Variants in SENP1 observed in about 807,000 individuals in gnomAD.
SENP1 encodes the protein sentrin-specific protease 1.
SENP1 carries 21 observed loss-of-function variants against 93.0 expected under a neutral mutation model. The observed-to-expected ratio is 0.23, with a 90% CI of 0.16 to 0.33. The LOEUF (loss-of-function observed/expected upper bound fraction) is 0.33, where lower values mean the gene tolerates loss of function less well. SENP1 is among the 10% of genes least tolerant of loss of function. The pLI is 1.00. For missense variants in SENP1, 591 were observed against 758.7 expected, an observed-to-expected ratio of 0.78 and a Z score of 2.60; for synonymous variants, 256 against 259.6, an observed-to-expected ratio of 0.99 and a Z score of 0.13.
intron 6 of SENP1, among the ~76,000 whole-genome samples, chr12:48,077,516 T>C (rs1944183502): frequency 6.6e-6 from 1 of 152,232 alleles, no homozygotes; most frequent in South Asian, 2.1e-4. Flanking sequence ...GTGAAGAGAC[T>C]GTCCTTTCCC....
At chr12:48,098,285 G>C in intron 2 of SENP1, 161 bp from the exon 3 acceptor site, 1 of 275,166 alleles carries the variant, frequency 3.6e-6, no homozygotes, top group Non-Finnish European at 5.5e-6. Flanking sequence ...GGATTTTTTT[G>C]AGGCCAAAAG....
intron 9 of SENP1, among the ~76,000 whole-genome samples, chr12:48,068,950 C>T (rs554979880): frequency 1.4e-4 from 22 of 151,758 alleles, no homozygotes; most frequent in Non-Finnish European, 2.8e-4. Flanking sequence ...GTCAGGAGTT[C>T]GAGACCAGCT....
chr12:48,057,285 A>C (rs1354276337), intron 13 of SENP1, among the ~76,000 whole-genome samples: 1 of 147,116 alleles, frequency 6.8e-6, no homozygotes, highest in Non-Finnish European at 1.5e-5. Context: ...GTTGGAGTGC[A>C]GTGGTGTGAT....
intron 13 of SENP1, among the ~76,000 whole-genome samples, chr12:48,063,229 A>C (rs1442172162): frequency 6.6e-6 from 1 of 152,190 alleles, no homozygotes; most frequent in East Asian, 1.9e-4. Flanking sequence ...CATTTAAAAA[A>C]TATCATACAT....
In SENP1 at chr12:48,044,412, C is replaced by A. The variant is rs1233465724; in HGVS notation, c.*910G>T. Reference sequence around the variant, plus strand: ...TATATATGTATATATATATGAAATTCTCTGTGGTTAGAAACATATTTAAAC... The same window carrying A: ...TATATATGTATATATATATGAAATTATCTGTGGTTAGAAACATATTTAAAC... On this transcript the variant is annotated 3_prime_UTR_variant, in exon 18 of 18. Transcript: ENST00000549518. 1 of 149,112 alleles carries A rather than the reference C, an allele frequency of 6.7e-6. No individual in the cohort carries two copies. The highest frequency in any genetic ancestry group is 2.5e-5 in the African/African-American group (1 of 40,454). 9.2% of individuals were successfully genotyped at this position (149,112 alleles called of 1,614,324 possible). A position where few individuals can be genotyped will look rare whatever the true frequency, so the allele number is the denominator to read the frequency against.
intron 13 of SENP1, among the ~76,000 whole-genome samples, chr12:48,055,899 ATAT>A (rs1471251162): frequency 1.4e-5 from 2 of 139,954 alleles, no homozygotes; most frequent in African/African-American, 5.3e-5. Flanking sequence ...ATATATAAAA[ATAT>A]TAATATATTT....
chr12:48,045,811 G>T (rs1369479526), intron 17 of SENP1, among the ~76,000 whole-genome samples: 1 of 152,188 alleles, frequency 6.6e-6, no homozygotes, highest in African/African-American at 2.4e-5. Flanking sequence ...TAAAGTCACT[G>T]ATTCAAACAG....
chr12:48,105,904 C>A (rs916614212), intron 1 of SENP1, 124 bp downstream of exon 1: 2 of 627,282 alleles, frequency 3.2e-6, no homozygotes, highest in East Asian at 2.8e-5. Context: ...GAAAAGGCGC[C>A]GGCCCCACAG....
rs115244748 is a variant in SENP1, at chr12:48,061,549, A to G, written c.1407+2161T>C. ...CAGCCTCCTGAACAGCTGGGACTAC[A>G]GGCATATGCCACCATGGCTGGCTAA... is the stretch of plus-strand genomic sequence containing the variant. On this transcript the variant is annotated intron_variant, in intron 13 of 17. Coordinates refer to ENST00000549518, the MANE Select transcript of SENP1 (RefSeq NM_001267594.2). Among the ~76,000 whole-genome samples the G allele has an allele frequency of 5.5e-3, 841 of 152,290 alleles. 11 individuals carry two copies. Among genetic ancestry groups the G allele is most frequent in the African/African-American group, 0.019 (802 of 41,552 alleles).
Position 48,074,410 on chromosome 12 carries a change from T to C in SENP1, c.854A>G (p.Asp285Gly). ...YTPDVAFGSK[D>G]SGTLHHPHHH... ...ATGGGGATGATGAAGAGTACCAGAA[T>C]CTTTGGATCCAAATGCAACATCTGG... Residue 285 changes from aspartate (D) to glycine (G), a missense_variant, in exon 8 of 18, where the codon GAT (aspartate) becomes GGT (glycine). This residue lies in a region of SENP1 where 238 missense variants were observed against 259.1 expected (regional missense o/e 0.92). Transcript: ENST00000549518. 1 of 1,613,828 alleles carries C rather than the reference T, an allele frequency of 6.2e-7. No individual in the cohort carries two copies. The highest frequency in any genetic ancestry group is 8.5e-7 in the Non-Finnish European group (1 of 1,179,776).
Position 48,044,850 on chromosome 12 carries a change from G to A in SENP1, c.*472C>T, listed in dbSNP as rs963559046. On this transcript the variant is annotated 3_prime_UTR_variant, in exon 18 of 18. Transcript: ENST00000549518. ...CATACATCGTGAAAATTGTGTGTGT[G>A]TGTGTGTTTGTGTGTGTGGGTGTGT... is the stretch of plus-strand genomic sequence containing the variant. 1 of 159,238 alleles carries A rather than the reference G, an allele frequency of 6.3e-6. No individual in the cohort carries two copies. The highest frequency in any genetic ancestry group is 1.4e-5 in the Non-Finnish European group (1 of 71,658). 9.9% of individuals were successfully genotyped at this position (159,238 alleles called of 1,614,324 possible). A position where few individuals can be genotyped will look rare whatever the true frequency, so the allele number is the denominator to read the frequency against.
intron 1 of SENP1, among the ~76,000 whole-genome samples, chr12:48,102,302 C>A (rs917396442): frequency 6.6e-6 from 1 of 151,834 alleles, no homozygotes; most frequent in Non-Finnish European, 1.5e-5. Context: ...TGTGGTGATA[C>A]GTGCCTGTAA....
intron 5 of SENP1, among the ~76,000 whole-genome samples, chr12:48,084,629 G>C (rs1010813873): frequency 5.3e-5 from 8 of 151,774 alleles, no homozygotes; most frequent in African/African-American, 1.7e-4. Context: ...TTGTATTTTT[G>C]TAGAGACAGG....
At chr12:48,068,094 G>A (rs889520766) in intron 9 of SENP1, among the ~76,000 whole-genome samples, 23 of 151,876 alleles carry the variant, frequency 1.5e-4, no homozygotes, top group African/African-American at 5.6e-4. Context: ...GGCTGGTCTC[G>A]AACTCATGAC....
At chr12:48,060,827 T>C (rs1186921757) in intron 13 of SENP1, among the ~76,000 whole-genome samples, 1 of 152,182 alleles carries the variant, frequency 6.6e-6, no homozygotes, top group Non-Finnish European at 1.5e-5. Flanking sequence ...TGACCCAGTA[T>C]AGAAATCCCC....
At chr12:48,103,649 C>A (rs1308195905) in intron 1 of SENP1, among the ~76,000 whole-genome samples, 1 of 134,458 alleles carries the variant, frequency 7.4e-6, no homozygotes, top group East Asian at 2.0e-4. Context: ...CAAATTCAAG[C>A]AACTGTAAAA....
In SENP1 at chr12:48,106,040, G is replaced by A. The variant is rs898185606; in HGVS notation, c.-57C>T. The A allele has an allele frequency of 2.8e-6, 2 of 701,838 alleles. No individual in the cohort carries two copies. Among genetic ancestry groups the A allele is most frequent in the African/African-American group, 1.7e-5 (1 of 57,236 alleles). The allele number at this position is 701,838 out of a possible 1,614,324, so 43.5% of individuals were successfully genotyped here. A position where few individuals can be genotyped will look rare whatever the true frequency, so the allele number is the denominator to read the frequency against. On this transcript the variant is annotated 5_prime_UTR_variant, in exon 1 of 18. Coordinates refer to ENST00000549518, the MANE Select transcript of SENP1 (RefSeq NM_001267594.2). Reference sequence around the variant, plus strand: ...CGCCGCCACTCACCGAACCGGAACCGGCTGCCATGCGAAGGGGTTTCCGGC... The same window carrying A: ...CGCCGCCACTCACCGAACCGGAACCAGCTGCCATGCGAAGGGGTTTCCGGC...
chr12:48,059,902 G>A (rs1156651969), intron 13 of SENP1, among the ~76,000 whole-genome samples: 1 of 152,092 alleles, frequency 6.6e-6, no homozygotes, highest in Non-Finnish European at 1.5e-5. Context: ...ACTCTTAACT[G>A]GTTGGAACAT....
In SENP1 at chr12:48,077,784, C is replaced by T. The variant is rs184147626; in HGVS notation, c.553-2991G>A. On this transcript the variant is annotated intron_variant, in intron 6 of 17. Transcript: ENST00000549518. ...GGGTTCATTTCTAAGTTCTCTATTC[C>T]GTTTCATTGGCTGATGTCTATTTCC... Among the ~76,000 whole-genome samples the T allele has an allele frequency of 5.3e-5, 8 of 152,112 alleles. No individual in the cohort carries two copies. In the East Asian group the frequency reaches 5.8e-4, roughly 11 times the overall value.
Sources: allele counts gnomAD v4.1 joint callset (sites outside exome capture counted in the v4.1 genomes callset), GRCh38; gene constraint gnomAD v4.1.1; regional missense constraint gnomAD v4.1.1; transcripts MANE v1.5; gene names NCBI Gene and HGNC (gene_info 2026-07-23, HGNC 2026-07-21).